WWC1: variants seen among roughly 807,000 people sequenced by gnomAD.
The protein encoded by WWC1 is WW and C2 domain containing 1, also known as protein KIBRA.
Under a neutral mutation model 138.4 loss-of-function variants are expected in WWC1, and 55 were observed. The ratio of observed to expected loss-of-function variants is 0.40; its 90% CI spans 0.32 to 0.50. The LOEUF (loss-of-function observed/expected upper bound fraction) is 0.50. Ranked by LOEUF, WWC1 falls within the 20% of genes least tolerant of loss-of-function variation. WWC1 has a pLI of 0.72. For synonymous variants in WWC1, 524 were observed against 564.9 expected, an observed-to-expected ratio of 0.93 and a Z score of 1.03; for missense variants, 1,226 against 1,420.4, an observed-to-expected ratio of 0.86 and a Z score of 2.20.
chr5:168,422,764 GTCTTC>G (rs1448564256), intron 10 of WWC1, among the ~76,000 whole-genome samples: 1 of 152,158 alleles, frequency 6.6e-6, no homozygotes, highest in Admixed American at 6.5e-5. Context: ...TCTAATGGTG[GTCTTC>G]TCTTTGTAGT....
intron 1 of WWC1, among the ~76,000 whole-genome samples, chr5:168,332,660 G>T (rs1284568647): frequency 6.6e-6 from 1 of 151,904 alleles, no homozygotes; most frequent in African/African-American, 2.4e-5. Context: ...AAAGTTTCTT[G>T]TTACTTGTAT....
At chr5:168,467,245 G>A (rs771280253) in intron 21 of WWC1, among the ~76,000 whole-genome samples, 6 of 152,306 alleles carry the variant, frequency 3.9e-5, no homozygotes, top group South Asian at 4.1e-4. Context: ...GCGACAGAGC[G>A]AGACTCCGTC....
intron 1 of WWC1, among the ~76,000 whole-genome samples, chr5:168,350,425 G>A (rs1013450652): frequency 2.0e-5 from 3 of 152,192 alleles, no homozygotes; most frequent in African/African-American, 7.2e-5. Flanking sequence ...GCAGAAATGG[G>A]TGCTTGGTGG....
intron 17 of WWC1, among the ~76,000 whole-genome samples, chr5:168,446,215 G>A (rs1274948618): frequency 1.6e-5 from 2 of 124,352 alleles, no homozygotes; most frequent in African/African-American, 3.1e-5. Flanking sequence ...CTAAGCCTGA[G>A]CCTTCTCTCC....
chr5:168,414,045 G>A (rs140940102), intron 8 of WWC1: 2 of 330,516 alleles, frequency 6.1e-6, no homozygotes, highest in Admixed American at 4.6e-5. Context: ...AGGCCACACA[G>A]CCAGTGCTAA....
chr5:168,388,782 A>G (rs796101350), intron 3 of WWC1, among the ~76,000 whole-genome samples: 3 of 151,960 alleles, frequency 2.0e-5, no homozygotes, highest in Admixed American at 6.6e-5. Context: ...GTGAGCCAAG[A>G]TTGCACCACT....
Position 168,430,119 on chromosome 5 carries a change from T to C in WWC1, c.2001-18T>C. 6.3e-7 allele frequency: 1 copy of C among 1,584,642 alleles called. No homozygotes were observed. The highest frequency in any genetic ancestry group is 1.1e-5 in the South Asian group (1 of 90,250). On this transcript the variant is annotated intron_variant, in intron 13 of 22. Coordinates refer to ENST00000265293, the MANE Select transcript of WWC1 (RefSeq NM_015238.3). ...GTGTGTTACTAATAGGTACTTCATA[T>C]GCCCCTTTTCATTTCAGGTATGATG...
At chr5:168,453,184 A>T (rs1755982683) in intron 17 of WWC1, among the ~76,000 whole-genome samples, 1 of 152,064 alleles carries the variant, frequency 6.6e-6, no homozygotes, top group African/African-American at 2.4e-5. Context: ...AGATGGTCCC[A>T]CTGCACTCCA....
chr5:168,346,787 T>C (rs1457257516), intron 1 of WWC1, among the ~76,000 whole-genome samples: 1 of 152,188 alleles, frequency 6.6e-6, no homozygotes, highest in Non-Finnish European at 1.5e-5. Flanking sequence ...ACATGTCTTA[T>C]TTTTTAATGT....
chr5:168,468,043 G>T (rs1458006528), intron 22 of WWC1, 79 bp downstream of exon 22: 1 of 1,580,216 alleles, frequency 6.3e-7, no homozygotes, highest in African/African-American at 1.4e-5. Flanking sequence ...TGGTCTTACT[G>T]CTCTCATCCC....
chr5:168,458,217 G>A (rs1233928384), intron 19 of WWC1, among the ~76,000 whole-genome samples: 1 of 152,164 alleles, frequency 6.6e-6, no homozygotes, highest in Non-Finnish European at 1.5e-5. Flanking sequence ...CCTGTAAGGT[G>A]AGTTGTGTGA....
chr5:168,333,202 C>T (rs1254122468), intron 1 of WWC1, among the ~76,000 whole-genome samples: 1 of 152,168 alleles, frequency 6.6e-6, no homozygotes, highest in East Asian at 1.9e-4. Context: ...ACAGGGGTTT[C>T]AAAGAAACTA....
chr5:168,310,084 C>T (rs1770929581), intron 1 of WWC1, among the ~76,000 whole-genome samples: 1 of 152,202 alleles, frequency 6.6e-6, no homozygotes, highest in South Asian at 2.1e-4. Context: ...CTTCTCGAAG[C>T]TGGTCTCACC....
intron 1 of WWC1, among the ~76,000 whole-genome samples, chr5:168,313,928 T>C (rs1455041113): frequency 6.6e-6 from 1 of 152,148 alleles, no homozygotes; most frequent in Non-Finnish European, 1.5e-5. Flanking sequence ...TGGAGCTCAA[T>C]TGATAGGGGT....
At chr5:168,358,460 G>A (rs1775624458) in intron 1 of WWC1, among the ~76,000 whole-genome samples, 1 of 152,164 alleles carries the variant, frequency 6.6e-6, no homozygotes, top group Non-Finnish European at 1.5e-5. Context: ...CCATCACTTT[G>A]TCATCTCATG....
chr5:168,436,095 T>G (rs6871216), intron 15 of WWC1, among the ~76,000 whole-genome samples: 48,079 of 152,002 alleles, frequency 0.32, 8,518 homozygotes, highest in African/African-American at 0.46. Context: ...CACCCACCTT[T>G]TCCTCCGAAA....
At position 168,414,455 on chromosome 5, in the gene WWC1, T is replaced by C; in HGVS notation, c.1049T>C (p.Leu350Pro). The C allele has an allele frequency of 6.3e-7, 1 of 1,577,486 alleles. No individual in the cohort carries two copies. Residue 350 changes from leucine (L) to proline (P), a missense_variant, in exon 9 of 23, where the codon CTG (leucine) becomes CCG (proline). Physicochemically the swap from Leu to Pro is moderately conservative, Grantham distance 98. This residue lies in a region of WWC1 where 1,016 missense variants were observed against 1,153.9 expected (regional missense o/e 0.88). Transcript: ENST00000265293. ...ATCCTTATCAACGAGAAGGAGGAGC[T>C]GCTGAAGGAGATGCGCTTCATCAGC... ...RLILINEKEE[L>P]LKEMRFISPR...
In WWC1 at chr5:168,441,642, C is replaced by T. The variant is rs773636859; in HGVS notation, c.2281-40C>T. ...AATTCCCTGACACCTGGTGTCCCCC[C>T]CACCGCCACTTATGTTCTCCTTGTT... On this transcript the variant is annotated intron_variant, in intron 15 of 22. Coordinates refer to ENST00000265293, the MANE Select transcript of WWC1 (RefSeq NM_015238.3). The T allele has an allele frequency of 1.0e-5, 16 of 1,599,252 alleles. No individual in the cohort carries two copies. In the African/African-American group the frequency reaches 1.1e-4, roughly 11 times the overall value.
chr5:168,338,002 T>A (rs1364063178), intron 1 of WWC1, among the ~76,000 whole-genome samples: 1 of 152,094 alleles, frequency 6.6e-6, no homozygotes, highest in African/African-American at 2.4e-5. Flanking sequence ...GGCAAGAGTG[T>A]GCAGTTTGTT....
Sources: gnomAD v4.1 joint callset for allele counts (sites outside exome capture counted in the v4.1 genomes callset) on GRCh38, gnomAD v4.1.1 for gene constraint, gnomAD v4.1.1 regional missense constraint, MANE v1.5 for transcripts, NCBI Gene and HGNC (gene_info 2026-07-23, HGNC 2026-07-21) for gene names.